The following PTPRO variants were observed in gnomAD, a reference collection of about 807,000 sequenced individuals.
PTPRO encodes the protein receptor-type tyrosine-protein phosphatase O.
In PTPRO, 62 loss-of-function variants were observed where a neutral mutation model predicts 145.2. The ratio of observed to expected loss-of-function variants is 0.43; its 90% CI spans 0.35 to 0.53. The LOEUF is 0.53. Among genes scored for constraint, PTPRO ranks in the 20% least tolerant of loss-of-function variants. PTPRO has a pLI of 0.01. For missense variants in PTPRO, 1,345 were observed against 1,482.7 expected (o/e 0.91, Z 1.53); for synonymous variants, 565 against 514.7 (o/e 1.10, Z -1.32).
chr12:15,512,419 G>A (rs1302494714), intron 7 of PTPRO, among the ~76,000 whole-genome samples: 6 of 152,044 alleles, frequency 3.9e-5, no homozygotes, highest in Non-Finnish European at 7.4e-5. Context: ...CCAGCCTGGA[G>A]CAATGTTGAT....
chr12:15,340,061 T>C (rs917745705), intron 1 of PTPRO, among the ~76,000 whole-genome samples: 3 of 152,224 alleles, frequency 2.0e-5, no homozygotes, highest in Admixed American at 6.5e-5. Flanking sequence ...ATGATACTGA[T>C]GATCCCTACC....
chr12:15,550,847 C>G (rs1943437929), intron 14 of PTPRO, among the ~76,000 whole-genome samples: 1 of 152,128 alleles, frequency 6.6e-6, no homozygotes, highest in South Asian at 2.1e-4. Flanking sequence ...CCTTTGATAT[C>G]CTGTTCTTCC....
At chr12:15,425,456 A>G (rs1591800362) in intron 1 of PTPRO, among the ~76,000 whole-genome samples, 1 of 152,168 alleles carries the variant, frequency 6.6e-6, no homozygotes, top group South Asian at 2.1e-4. Context: ...AGCCTCCACT[A>G]AGCTGCTTTC....
At chr12:15,460,319 C>T (rs547262784) in intron 1 of PTPRO, among the ~76,000 whole-genome samples, 1 of 152,238 alleles carries the variant, frequency 6.6e-6, no homozygotes, top group East Asian at 1.9e-4. Context: ...AGGCCGTATC[C>T]CAGACCTCCT....
At chr12:15,397,747 T>G (rs1399266672) in intron 1 of PTPRO, among the ~76,000 whole-genome samples, 1 of 152,204 alleles carries the variant, frequency 6.6e-6, no homozygotes, top group Non-Finnish European at 1.5e-5. Context: ...TTGTGGATCT[T>G]ACATTCTATC....
Position 15,545,858 on chromosome 12 carries a change from A to C in PTPRO, c.2165-711A>C, listed in dbSNP as rs188036067. Among the ~76,000 whole-genome samples, 556 of 151,982 alleles carry C rather than the reference A, an allele frequency of 3.7e-3. 5 individuals carry two copies. The highest frequency in any genetic ancestry group is 0.013 in the African/African-American group (529 of 41,462). On this transcript the variant is annotated intron_variant, in intron 12 of 26. Transcript: ENST00000281171. The stretch of plus-strand genomic sequence containing the variant: ...AGACCAACTTGAGCAACATGGCAAA[A>C]CTCCATCTCTGCAAAAAATGCAAAA...
chr12:15,351,788 CA>C (rs1056360313), intron 1 of PTPRO, among the ~76,000 whole-genome samples: 1 of 152,032 alleles, frequency 6.6e-6, no homozygotes, highest in African/African-American at 2.4e-5. Flanking sequence ...AGGGATTTAA[CA>C]AAAAAACATT....
chr12:15,322,930 G>A lies in PTPRO; in HGVS notation c.75+129G>A. 1 of 859,026 alleles carries A rather than the reference G, an allele frequency of 1.2e-6. No individual in the cohort carries two copies. The allele number at this position is 859,026 out of a possible 1,614,324, so 53.2% of individuals were successfully genotyped here. On this transcript the variant is annotated intron_variant, in intron 1 of 26. Coordinates refer to ENST00000281171, the MANE Select transcript of PTPRO (RefSeq NM_030667.3). The surrounding 1 kb of genome is among the most constrained non-coding windows in gnomAD (Gnocchi z 6.3). ...CCCAGCCGCGGGAAGCGCCTGCCGT[G>A]CAGCCTGGGCGCACGCTTTGTTGTC...
chr12:15,562,546 T>C (rs1033781351), intron 17 of PTPRO, among the ~76,000 whole-genome samples: 1 of 152,130 alleles, frequency 6.6e-6, no homozygotes, highest in East Asian at 1.9e-4. Flanking sequence ...CAAAAAACTC[T>C]TTCTCTCTCT....
chr12:15,582,546 C>T (rs1944343829), intron 23 of PTPRO, among the ~76,000 whole-genome samples: 1 of 152,188 alleles, frequency 6.6e-6, no homozygotes, highest in Admixed American at 6.5e-5. Context: ...CGAATTAGCT[C>T]AAGATCATAG....
chr12:15,589,835 G>T (rs1352966074), intron 25 of PTPRO, among the ~76,000 whole-genome samples: 1 of 152,172 alleles, frequency 6.6e-6, no homozygotes, highest in South Asian at 2.1e-4. Flanking sequence ...GGGTAGATTC[G>T]TAAGAGTAAA....
chr12:15,390,760 A>T (rs1459268827), intron 1 of PTPRO, among the ~76,000 whole-genome samples: 1 of 101,006 alleles, frequency 9.9e-6, no homozygotes, highest in East Asian at 2.5e-4. Flanking sequence ...GTGGCTGGGT[A>T]AGAGATGGTC....
chr12:15,354,454 TAGTA>T (rs1484177016), intron 1 of PTPRO, among the ~76,000 whole-genome samples: 1 of 152,206 alleles, frequency 6.6e-6, no homozygotes, highest in Non-Finnish European at 1.5e-5. Flanking sequence ...TATAATAAGT[TAGTA>T]AGAGTTTATT....
chr12:15,494,959 C>CA (rs1942071215), intron 2 of PTPRO, among the ~76,000 whole-genome samples: 3 of 151,960 alleles, frequency 2.0e-5, no homozygotes, highest in Admixed American at 1.3e-4. Flanking sequence ...TGGTAGACTC[C>CA]ATGGGTTAGT....
chr12:15,591,139 C>G lies in PTPRO; in HGVS notation c.3546+1549C>G, dbSNP rs550084959. 1.6e-3 allele frequency among the ~76,000 whole-genome samples: 237 copies of G among 152,194 alleles called. 1 individual carries two copies. Among genetic ancestry groups the G allele is most frequent in the African/African-American group, 5.2e-3 (214 of 41,508 alleles). On this transcript the variant is annotated intron_variant, in intron 25 of 26. Coordinates refer to ENST00000281171, the MANE Select transcript of PTPRO (RefSeq NM_030667.3). ...ATCCCAGCACTTTAGGAGGCTGAGGCGTGCGGATCACCTGAGGTCAGAAGT... is the reference window on the plus strand; with the variant it reads ...ATCCCAGCACTTTAGGAGGCTGAGGGGTGCGGATCACCTGAGGTCAGAAGT...
At chr12:15,468,160 C>T (rs914243747) in intron 1 of PTPRO, among the ~76,000 whole-genome samples, 3 of 152,148 alleles carry the variant, frequency 2.0e-5, no homozygotes, top group Non-Finnish European at 4.4e-5. Flanking sequence ...CCTCAATTCA[C>T]CCCATCAGTA....
chr12:15,347,529 A>G (rs1867264268), intron 1 of PTPRO, among the ~76,000 whole-genome samples: 1 of 152,120 alleles, frequency 6.6e-6, no homozygotes, highest in Non-Finnish European at 1.5e-5. Context: ...CCTATCTGTT[A>G]CTCTGTAAGC....
intron 1 of PTPRO, among the ~76,000 whole-genome samples, chr12:15,362,036 T>A (rs1412477055): frequency 6.6e-6 from 1 of 152,188 alleles, no homozygotes; most frequent in Admixed American, 6.5e-5. Flanking sequence ...AATAAATTTC[T>A]GTGTGGAGGA....
At chr12:15,594,890 T>C (rs755836822) in intron 25 of PTPRO, 47 bp from the exon 26 acceptor site, 3 of 1,312,044 alleles carry the variant, frequency 2.3e-6, no homozygotes, top group Non-Finnish European at 3.3e-6. Context: ...AAATATTATA[T>C]CTTTGCACAT....
Sources: allele counts gnomAD v4.1 joint callset (sites outside exome capture counted in the v4.1 genomes callset), GRCh38; gene constraint gnomAD v4.1.1; non-coding constraint Gnocchi (gnomAD v3.1); transcripts MANE v1.5; gene names NCBI Gene and HGNC (gene_info 2026-07-23, HGNC 2026-07-21).